The following AGBL4 variants were observed in gnomAD, a reference collection of about 807,000 sequenced individuals.
AGBL4 encodes the protein cytosolic carboxypeptidase 6.
Under a neutral mutation model 66.4 loss-of-function variants are expected in AGBL4, and 58 were observed. The observed-to-expected ratio is 0.87, with a 90% CI of 0.71 to 1.09. The LOEUF is 1.09. Among genes scored for constraint, AGBL4 ranks in the 50% least tolerant of loss-of-function variants. AGBL4 has a pLI of 0.00. For missense variants in AGBL4, 579 were observed against 631.0 expected (o/e 0.92, Z 0.88); for synonymous variants, 234 against 222.9 (o/e 1.05, Z -0.44).
chr1:48,633,640 C>T (rs1203394448), intron 9 of AGBL4, among the ~76,000 whole-genome samples: 1 of 152,208 alleles, frequency 6.6e-6, no homozygotes, highest in Non-Finnish European at 1.5e-5. Flanking sequence ...TTCTATTTCT[C>T]TACCTCTTCC....
intron 3 of AGBL4, among the ~76,000 whole-genome samples, chr1:49,510,041 T>A (rs1649065750): frequency 6.6e-6 from 1 of 151,918 alleles, no homozygotes; most frequent in African/African-American, 2.4e-5. Context: ...GCTTTGTGAG[T>A]TAATAAGAAT....
At chr1:49,903,021 A>C (rs1256898528) in intron 1 of AGBL4, among the ~76,000 whole-genome samples, 1 of 152,144 alleles carries the variant, frequency 6.6e-6, no homozygotes, top group African/African-American at 2.4e-5. Flanking sequence ...AGGAATATAA[A>C]TCACTCCACC....
intron 3 of AGBL4, among the ~76,000 whole-genome samples, chr1:49,502,771 C>A (rs992992447): frequency 6.6e-6 from 1 of 152,044 alleles, no homozygotes; most frequent in Non-Finnish European, 1.5e-5. Context: ...CCTAGAGAAT[C>A]TGTGGAACTT....
At chr1:49,399,011 C>T (rs544478686) in intron 3 of AGBL4, among the ~76,000 whole-genome samples, 1 of 152,066 alleles carries the variant, frequency 6.6e-6, no homozygotes, top group Non-Finnish European at 1.5e-5. Flanking sequence ...CCTTCTGAGC[C>T]TCTGGTAACC....
intron 3 of AGBL4, among the ~76,000 whole-genome samples, chr1:49,488,371 C>T (rs1570845200): frequency 6.6e-6 from 1 of 151,114 alleles, no homozygotes; most frequent in Non-Finnish European, 1.5e-5. Flanking sequence ...AATAGTTATT[C>T]TGTGGCTTTC....
At chr1:49,382,588 C>G (rs1449755838) in intron 3 of AGBL4, among the ~76,000 whole-genome samples, 4 of 152,012 alleles carry the variant, frequency 2.6e-5, no homozygotes, top group Non-Finnish European at 2.9e-5. Context: ...AGCTTTCCCT[C>G]TAAAATTAGG....
intron 2 of AGBL4, among the ~76,000 whole-genome samples, chr1:49,827,198 T>C (rs1024323144): frequency 6.6e-6 from 1 of 151,960 alleles, no homozygotes; most frequent in African/African-American, 2.4e-5. Flanking sequence ...TAAAGAGATA[T>C]GCGGTATATC....
chr1:49,753,307 T>A (rs1344333578), intron 2 of AGBL4, among the ~76,000 whole-genome samples: 1 of 152,232 alleles, frequency 6.6e-6, no homozygotes, highest in Non-Finnish European at 1.5e-5. Context: ...GTGAAGGATT[T>A]TATTTCTCCT....
At chr1:48,983,308 G>A (rs1046778004) in intron 5 of AGBL4, among the ~76,000 whole-genome samples, 1 of 152,134 alleles carries the variant, frequency 6.6e-6, no homozygotes, top group African/African-American at 2.4e-5. Context: ...GAAAAAAAGA[G>A]GTTGAGAATA....
intron 3 of AGBL4, among the ~76,000 whole-genome samples, chr1:49,478,476 G>A (rs1210716799): frequency 6.6e-6 from 1 of 151,914 alleles, no homozygotes; most frequent in East Asian, 1.9e-4. Flanking sequence ...TTTTACCCTA[G>A]AATACTATCT....
chr1:49,514,408 C>T (rs891152213), intron 3 of AGBL4, among the ~76,000 whole-genome samples: 1 of 151,978 alleles, frequency 6.6e-6, no homozygotes, highest in Non-Finnish European at 1.5e-5. Flanking sequence ...AATGGAAGAA[C>T]ATTCCATGCT....
chr1:49,920,403 A>T (rs1385847135), intron 1 of AGBL4, among the ~76,000 whole-genome samples: 1 of 152,208 alleles, frequency 6.6e-6, no homozygotes, highest in Non-Finnish European at 1.5e-5. Flanking sequence ...GAAAAGAAAT[A>T]AACAACCCCA....
intron 3 of AGBL4, among the ~76,000 whole-genome samples, chr1:49,480,224 A>G (rs1026562125): frequency 6.6e-6 from 1 of 152,060 alleles, no homozygotes; most frequent in Non-Finnish European, 1.5e-5. Flanking sequence ...TGTCTTCCAC[A>G]ATGGTTAAAC....
intron 5 of AGBL4, among the ~76,000 whole-genome samples, chr1:48,925,038 G>A (rs1654412996): frequency 2.0e-5 from 3 of 152,024 alleles, no homozygotes; most frequent in Admixed American, 2.0e-4. Context: ...CTAGCATCAA[G>A]AGAGAAGTAA....
chr1:49,683,669 C>A (rs1646738109), intron 3 of AGBL4, among the ~76,000 whole-genome samples: 1 of 152,050 alleles, frequency 6.6e-6, no homozygotes, highest in Non-Finnish European at 1.5e-5. Context: ...AGACTTTATC[C>A]ATATCTAAAA....
At chr1:49,055,218 T>C (rs896703240) in intron 4 of AGBL4, among the ~76,000 whole-genome samples, 25 of 152,030 alleles carry the variant, frequency 1.6e-4, no homozygotes, top group Admixed American at 1.5e-3. Context: ...AGTTTTATAA[T>C]ATCTACATTT....
chr1:48,774,683 A>G (rs1346674537), intron 6 of AGBL4, among the ~76,000 whole-genome samples: 7 of 152,202 alleles, frequency 4.6e-5, no homozygotes. Context: ...TCTCAAACCA[A>G]CAGCTACATG....
chr1:49,744,312 C>T (rs1650813396), intron 2 of AGBL4, among the ~76,000 whole-genome samples: 2 of 152,212 alleles, frequency 1.3e-5, no homozygotes, highest in Middle Eastern at 6.8e-3. Context: ...CTCTCTCTTG[C>T]TCCTGCTCCC....
intron 3 of AGBL4, among the ~76,000 whole-genome samples, chr1:49,437,471 A>G (rs917014811): frequency 2.0e-5 from 3 of 152,152 alleles, no homozygotes; most frequent in African/African-American, 7.2e-5. Context: ...CCGTCTCTAA[A>G]TTATCTTTCA....
Sources: gnomAD v4.1 joint callset for allele counts (sites outside exome capture counted in the v4.1 genomes callset) on GRCh38, gnomAD v4.1.1 for gene constraint, MANE v1.5 for transcripts, NCBI Gene and HGNC (gene_info 2026-07-23, HGNC 2026-07-21) for gene names.